Variants in ANKRD18B observed in about 807,000 individuals in gnomAD.
The protein encoded by ANKRD18B is ankyrin repeat domain-containing protein 18B.
Under a neutral mutation model 111.8 loss-of-function variants are expected in ANKRD18B, and 75 were observed. The ratio of observed to expected loss-of-function variants is 0.67; its 90% confidence interval spans 0.56 to 0.81. The LOEUF is 0.81. Among genes scored for constraint, ANKRD18B ranks in the 40% least tolerant of loss-of-function variants. ANKRD18B has a pLI of 0.00. For synonymous variants in ANKRD18B, 356 were observed against 417.3 expected, an observed-to-expected ratio of 0.85 and a Z score of 1.79; for missense variants, 1,038 against 1,225.5, an observed-to-expected ratio of 0.85 and a Z score of 2.28.
chr9:33,567,400 A>G (rs1297154992), intron 16 of ANKRD18B, 86 bp downstream of exon 16: 37 of 1,178,262 alleles, frequency 3.1e-5, no homozygotes, highest in Non-Finnish European at 4.0e-5. Flanking sequence ...TGGCTTCAGG[A>G]GATCAGTAGG....
At chr9:33,545,389 C>T (rs1007026356) in intron 10 of ANKRD18B, among the ~76,000 whole-genome samples, 13 of 152,128 alleles carry the variant, frequency 8.5e-5, no homozygotes, top group Admixed American at 2.6e-4. Context: ...GTCTGTAGAT[C>T]CAAAAAGTCT....
chr9:33,575,053 G>A (rs1828841564), downstream of ANKRD18B, among the ~76,000 whole-genome samples: 1 of 152,180 alleles, frequency 6.6e-6, no homozygotes, highest in Admixed American at 6.5e-5. Flanking sequence ...CTCCTGGCTT[G>A]GGGACAGTCA....
intron 16 of ANKRD18B, among the ~76,000 whole-genome samples, chr9:33,568,333 A>AGT: frequency 6.6e-6 from 1 of 152,354 alleles, no homozygotes; most frequent in East Asian, 1.9e-4. Context: ...AAATACAAGT[A>AGT]TATCTAAAGG....
chr9:33,554,578 A>C (rs1212173812), intron 12 of ANKRD18B, among the ~76,000 whole-genome samples: 2 of 152,166 alleles, frequency 1.3e-5, no homozygotes, highest in African/African-American at 4.8e-5. Context: ...CGAGGAGGGC[A>C]GATCATGTGG....
chr9:33,569,865 C>A (rs1469768483), intron 17 of ANKRD18B, among the ~76,000 whole-genome samples: 2 of 152,132 alleles, frequency 1.3e-5, no homozygotes, highest in African/African-American at 4.8e-5. Flanking sequence ...GAAACCCCAT[C>A]TCTACTAAAA....
chr9:33,552,652 A>T (rs1377492563), intron 12 of ANKRD18B, among the ~76,000 whole-genome samples: 1 of 152,094 alleles, frequency 6.6e-6, no homozygotes, highest in Non-Finnish European at 1.5e-5. Flanking sequence ...ATTTGCTGCC[A>T]CTTTCAGTGG....
intron 1 of ANKRD18B, among the ~76,000 whole-genome samples, chr9:33,527,744 A>G (rs2104384): frequency 0.15 from 22,573 of 152,268 alleles, 1,853 homozygotes; most frequent in East Asian, 0.18. Context: ...TTAGATGCCT[A>G]GAACGGCCCT....
At chr9:33,573,362 G>T (rs1308792864), downstream of ANKRD18B, 1 of 948,478 alleles carries the variant, frequency 1.1e-6, no homozygotes, top group African/African-American at 1.8e-5. Flanking sequence ...CAGCCTCAAG[G>T]GTTCTTGATT....
rs779444165 is a variant in ANKRD18B, at chr9:33,541,192, GA to G, written c.1050del (p.Lys350AsnfsTer2). 6 of 1,541,790 alleles carry G rather than the reference GA, an allele frequency of 3.9e-6. No homozygotes were observed. In the East Asian group the frequency reaches 1.2e-4, roughly 31 times the overall value. Reference protein sequence around the residue: ...KPENLKKRKKRKKLKKRKEGA... With the variant: ...KPENLKKRKKXKKLKKRKEGA... The stretch of plus-strand genomic sequence containing the variant: ...GAAAATTTGAAAAAAAGAAAAAAAA[GA>G]AAAAAATTGAAAAAAAGAAAAGAAG... On this transcript the variant is annotated frameshift_variant, in exon 9 of 19. Transcript: ENST00000684830. LOFTEE classifies it high-confidence loss of function.
In ANKRD18B at chr9:33,524,562, G is replaced by T. The variant is rs1369404723; in HGVS notation, c.73G>T (p.Gly25Cys). 2 of 1,551,524 alleles carry T rather than the reference G, an allele frequency of 1.3e-6. No homozygotes were observed. Residue 25 changes from glycine (G) to cysteine (C), a missense_variant, in exon 1 of 19, where the codon GGT becomes TGT. Transcript: ENST00000684830. The part of the protein sequence containing the change: ...LLSSMDQEYA[G>C]RGYHIRDWEL... ...GAGCTCCATGGACCAAGAGTATGCG[G>T]GTCGGGGGTACCACATTCGGGACTG...
intron 6 of ANKRD18B, among the ~76,000 whole-genome samples, chr9:33,537,603 C>T (rs918573908): frequency 6.6e-6 from 1 of 152,090 alleles, no homozygotes; most frequent in African/African-American, 2.4e-5. Flanking sequence ...AATGGATCCT[C>T]TATTTAATTT....
Position 33,548,064 on chromosome 9 carries a change from T to C in ANKRD18B, c.1276T>C (p.Tyr426His). The C allele has an allele frequency of 6.5e-7, 1 of 1,537,596 alleles. No individual in the cohort carries two copies. Among genetic ancestry groups the C allele is most frequent in the African/African-American group, 1.4e-5 (1 of 72,236 alleles). The change falls in exon 11 of 19, where the codon TAT becomes CAT. Residue 426 changes from tyrosine to histidine, a missense_variant. Physicochemically the swap from Tyr to His is moderately conservative, Grantham distance 83. This residue lies in a region of ANKRD18B where 205 missense variants were observed against 201.3 expected (regional missense o/e 1.02). Coordinates refer to ENST00000684830, the MANE Select transcript of ANKRD18B (RefSeq NM_001393611.1). ...TGACAGTCTCAGAAAGGAAAAGAAA[T>C]ATATTCAGGAAATTAAAAGTATTAC... ...KNDSLRKEKK[Y>H]IQEIKSITEI...
chr9:33,540,864 C>T (rs542814556), intron 8 of ANKRD18B, among the ~76,000 whole-genome samples: 5 of 152,242 alleles, frequency 3.3e-5, no homozygotes, highest in African/African-American at 9.6e-5. Flanking sequence ...TGAGAAAAAA[C>T]ATATGGTAGG....
intron 1 of ANKRD18B, among the ~76,000 whole-genome samples, chr9:33,526,919 A>G (rs1308565416): frequency 6.6e-6 from 1 of 152,196 alleles, no homozygotes; most frequent in South Asian, 2.1e-4. Flanking sequence ...GAGCTCCCCA[A>G]CTGTATTCTA....
intron 3 of ANKRD18B, among the ~76,000 whole-genome samples, chr9:33,531,907 CATT>C (rs1828122704): frequency 1.3e-5 from 2 of 151,836 alleles, no homozygotes; most frequent in Admixed American, 6.6e-5. Flanking sequence ...ATATTGCAGA[CATT>C]ATATCTTTCT....
intron 1 of ANKRD18B, among the ~76,000 whole-genome samples, chr9:33,525,585 T>A (rs1202653569): frequency 6.6e-6 from 1 of 152,056 alleles, no homozygotes; most frequent in African/African-American, 2.4e-5. Context: ...ACACAAAGAC[T>A]TATTTATACA....
chr9:33,534,809 T>TTTTC (rs1828171925), intron 5 of ANKRD18B, among the ~76,000 whole-genome samples: 1 of 150,760 alleles, frequency 6.6e-6, no homozygotes, highest in African/African-American at 2.4e-5. Context: ...ATCTTTTACT[T>TTTTC]TTTCTTTCTT....
At chr9:33,525,912 A>T (rs1267471566) in intron 1 of ANKRD18B, among the ~76,000 whole-genome samples, 2 of 151,646 alleles carry the variant, frequency 1.3e-5, no homozygotes, top group Admixed American at 1.3e-4. Flanking sequence ...ATATATACAG[A>T]TAAAAAGCAC....
At chr9:33,556,602 A>G (rs1299336522) in intron 13 of ANKRD18B, among the ~76,000 whole-genome samples, 1 of 152,178 alleles carries the variant, frequency 6.6e-6, no homozygotes, top group African/African-American at 2.4e-5. Flanking sequence ...TTGGACATGT[A>G]ATGTCAAGCG....
Sources: allele counts gnomAD v4.1 joint callset (sites outside exome capture counted in the v4.1 genomes callset), GRCh38; gene constraint gnomAD v4.1.1; regional missense constraint gnomAD v4.1.1; transcripts MANE v1.5; gene names NCBI Gene and HGNC (gene_info 2026-07-23, HGNC 2026-07-21).